The following ONECUT2 variants were observed in gnomAD, a reference collection of about 807,000 sequenced individuals.
The protein encoded by ONECUT2 is one cut homeobox 2.
A neutral mutation model predicts 27.9 loss-of-function variants in ONECUT2; 10 were observed. That is an observed-to-expected ratio of 0.36 (90% CI 0.22 to 0.61). ONECUT2 has a LOEUF of 0.61. Ranked by LOEUF, ONECUT2 falls within the 20% of genes least tolerant of loss-of-function variation. The probability of loss-of-function intolerance (pLI) is 0.73; values close to 1 mark genes in which losing one functional copy is unlikely to be tolerated. For missense variants in ONECUT2, 686 were observed against 721.0 expected (o/e 0.95, Z 0.56); for synonymous variants, 334 against 315.1 (o/e 1.06, Z -0.64).
Position 57,436,183 on chromosome 18 carries a change from C to T in ONECUT2, c.467C>T (p.Pro156Leu). Reference sequence around the variant, plus strand: ...TACACCACGCTGACACCGCTCCAGCCGCTGCCACCCATCTCCACCGTGTCT... The same window carrying T: ...TACACCACGCTGACACCGCTCCAGCTGCTGCCACCCATCTCCACCGTGTCT... ...NTYTTLTPLQ[P>L]LPPISTVSDK... is the part of the protein sequence containing the mutation. Residue 156 changes from proline to leucine, a missense_variant, in exon 1 of 2, where the codon CCG becomes CTG. Pro to Leu is a moderately conservative substitution (Grantham distance 98, BLOSUM62 -3). Transcript: ENST00000491143. The surrounding 1 kb of genome is among the most constrained non-coding windows in gnomAD (Gnocchi z 5.9). 6.2e-7 allele frequency: 1 copy of T among 1,607,734 alleles called. No homozygotes were observed. The highest frequency in any genetic ancestry group is 1.1e-5 in the South Asian group (1 of 90,876).
chr18:57,437,465 A>T (rs1322010655), intron 1 of ONECUT2, among the ~76,000 whole-genome samples: 1 of 151,884 alleles, frequency 6.6e-6, no homozygotes, highest in African/African-American at 2.4e-5. Context: ...AGAGCTCTCT[A>T]CTCTCCCACC....
chr18:57,447,234 A>G (rs2050204775), intron 1 of ONECUT2, among the ~76,000 whole-genome samples: 1 of 152,250 alleles, frequency 6.6e-6, no homozygotes, highest in Admixed American at 6.5e-5. Context: ...CCCTGGTAGC[A>G]GAGCGCCTGT....
rs2050440179 is a variant in ONECUT2, at chr18:57,486,672, G to T, written c.*9949G>T. 1 of 152,498 alleles carries T rather than the reference G, an allele frequency of 6.6e-6. No homozygotes were observed. The highest frequency in any genetic ancestry group is 2.4e-5 in the African/African-American group (1 of 41,392). The allele number at this position is 152,498 out of a possible 1,614,324, so 9.4% of individuals were successfully genotyped here. ...TGTGCTTTTGTAATAGATGAAAAAAGGTGCGCTTAAAAAGAAAATGTATGT... is the reference window on the plus strand; with the variant it reads ...TGTGCTTTTGTAATAGATGAAAAAATGTGCGCTTAAAAAGAAAATGTATGT... On this transcript the variant is annotated 3_prime_UTR_variant, in exon 2 of 2. Transcript: ENST00000491143.
rs1052160448 is a variant in ONECUT2, at chr18:57,478,777, C to G, written c.*2054C>G. The G allele has an allele frequency of 1.3e-5, 2 of 152,636 alleles. No individual in the cohort carries two copies. Among genetic ancestry groups the G allele is most frequent in the Non-Finnish European group, 2.9e-5 (2 of 68,054 alleles). 9.5% of individuals were successfully genotyped at this position (152,636 alleles called of 1,614,324 possible). A position where few individuals can be genotyped will look rare whatever the true frequency, so the allele number is the denominator to read the frequency against. ...CAATACCAAAGATGAGGATTTCTCA[C>G]ACCTTTTGTTTCAGTTCATTATCTC... On this transcript the variant is annotated 3_prime_UTR_variant, in exon 2 of 2. Coordinates refer to ENST00000491143, the MANE Select transcript of ONECUT2 (RefSeq NM_004852.3).
intron 1 of ONECUT2, chr18:57,444,559 C>A: frequency 2.5e-6 from 1 of 406,300 alleles, no homozygotes; most frequent in Admixed American, 2.8e-5. Context: ...GAGTCCCCAC[C>A]CCCCAGGGTG....
At chr18:57,452,133 T>C (rs1479305975) in intron 1 of ONECUT2, among the ~76,000 whole-genome samples, 4 of 152,116 alleles carry the variant, frequency 2.6e-5, no homozygotes, top group African/African-American at 9.7e-5. Context: ...GTATTTCACA[T>C]TCATAAGTAA....
Position 57,485,367 on chromosome 18 carries a change from A to G in ONECUT2, c.*8644A>G, listed in dbSNP as rs898109972. 1 of 152,226 alleles carries G rather than the reference A, an allele frequency of 6.6e-6. No individual in the cohort carries two copies. Among genetic ancestry groups the G allele is most frequent in the Non-Finnish European group, 1.5e-5 (1 of 68,040 alleles). The allele number at this position is 152,226 out of a possible 1,614,324, so 9.4% of individuals were successfully genotyped here. On this transcript the variant is annotated 3_prime_UTR_variant, in exon 2 of 2. Transcript: ENST00000491143. ...GATACTAAAGGGTTATTTGTGGTAA[A>G]TGAAAAATGACCCCAAAATTACAGA... is the stretch of plus-strand genomic sequence containing the variant.
chr18:57,437,654 G>T (rs1367381495), intron 1 of ONECUT2, among the ~76,000 whole-genome samples: 2 of 152,204 alleles, frequency 1.3e-5, no homozygotes, highest in African/African-American at 4.8e-5. Flanking sequence ...TACCTACAGC[G>T]AGGGCAGGGT....
chr18:57,486,913 T>C lies in ONECUT2; in HGVS notation c.*10190T>C, dbSNP rs1051053324. 5 of 152,686 alleles carry C rather than the reference T, an allele frequency of 3.3e-5. No individual in the cohort carries two copies. Among genetic ancestry groups the C allele is most frequent in the Non-Finnish European group, 7.3e-5 (5 of 68,048 alleles). 9.5% of individuals were successfully genotyped at this position (152,686 alleles called of 1,614,324 possible). A position where few individuals can be genotyped will look rare whatever the true frequency, so the allele number is the denominator to read the frequency against. On this transcript the variant is annotated 3_prime_UTR_variant, in exon 2 of 2. Transcript: ENST00000491143. The stretch of plus-strand genomic sequence containing the variant: ...ATGATTAGCAACTGCCAATCAGTGC[T>C]ATAATTTTATGCATGAGGCTAAAAA...
At chr18:57,444,250 C>G (rs1371642228) in intron 1 of ONECUT2, 1 of 419,274 alleles carries the variant, frequency 2.4e-6, no homozygotes, top group Non-Finnish European at 4.8e-6. Context: ...TGCAATCAGC[C>G]TTGGAGATGG....
rs566559407 is a variant in ONECUT2, at chr18:57,437,018, G to A, written c.1228+74G>A. 2.5e-5 allele frequency: 37 copies of A among 1,489,684 alleles called. No homozygotes were observed. In the South Asian group the frequency reaches 4.6e-4, roughly 18 times the overall value. 92.3% of individuals were successfully genotyped at this position (1,489,684 alleles called of 1,614,324 possible). On this transcript the variant is annotated intron_variant, in intron 1 of 1. Transcript: ENST00000491143. ...GGTCCGGTGCTTGTGGCCCAAGTCTGCGCGCCGAGTCACTTCTCTTGATTC... is the reference window on the plus strand; with the variant it reads ...GGTCCGGTGCTTGTGGCCCAAGTCTACGCGCCGAGTCACTTCTCTTGATTC...
In ONECUT2 at chr18:57,482,257, A is replaced by AG. The variant is rs2050419871; in HGVS notation, c.*5537dup. 1 of 150,364 alleles carries AG rather than the reference A, an allele frequency of 6.7e-6. No homozygotes were observed. Among genetic ancestry groups the AG allele is most frequent in the African/African-American group, 2.4e-5 (1 of 40,818 alleles). 9.3% of individuals were successfully genotyped at this position (150,364 alleles called of 1,614,324 possible). On this transcript the variant is annotated 3_prime_UTR_variant, in exon 2 of 2. Coordinates refer to ENST00000491143, the MANE Select transcript of ONECUT2 (RefSeq NM_004852.3). ...CCAAGGTCGGGGAGGGAAAGAGGGG[A>AG]GGGTTTATCTGTTTTAGAAAGTCTC...
rs1349086083 is a variant in ONECUT2, at chr18:57,490,317, G to T, written c.*13594G>T. 6.6e-6 allele frequency: 1 copy of T among 152,110 alleles called. No homozygotes were observed. Among genetic ancestry groups the T allele is most frequent in the Non-Finnish European group, 1.5e-5 (1 of 68,014 alleles). The allele number at this position is 152,110 out of a possible 1,614,324, so 9.4% of individuals were successfully genotyped here. A position where few individuals can be genotyped will look rare whatever the true frequency, so the allele number is the denominator to read the frequency against. ...TTCTCAGAATCCAAGTCAGTCCTGGGTCTTTTCTCACTTTAGACCCTGGCC... is the reference window on the plus strand; with the variant it reads ...TTCTCAGAATCCAAGTCAGTCCTGGTTCTTTTCTCACTTTAGACCCTGGCC... On this transcript the variant is annotated 3_prime_UTR_variant, in exon 2 of 2. Transcript: ENST00000491143.
intron 1 of ONECUT2, among the ~76,000 whole-genome samples, chr18:57,473,505 T>G (rs1271060644): frequency 1.3e-5 from 2 of 152,178 alleles, no homozygotes; most frequent in African/African-American, 4.8e-5. Context: ...CTACGTAATT[T>G]GCAAGGCCCC....
chr18:57,448,547 A>G (rs1213672556), intron 1 of ONECUT2, among the ~76,000 whole-genome samples: 1 of 152,246 alleles, frequency 6.6e-6, no homozygotes, highest in African/African-American at 2.4e-5. Context: ...GTAAGCTTTG[A>G]CTAAAGAAGT....
At chr18:57,471,704 G>A (rs2050354940) in intron 1 of ONECUT2, among the ~76,000 whole-genome samples, 1 of 152,184 alleles carries the variant, frequency 6.6e-6, no homozygotes, top group African/African-American at 2.4e-5. Flanking sequence ...CCAGTACCAG[G>A]TCCTGGGCCA....
At chr18:57,469,513 G>A (rs575117074) in intron 1 of ONECUT2, among the ~76,000 whole-genome samples, 1 of 152,308 alleles carries the variant, frequency 6.6e-6, no homozygotes, top group South Asian at 2.1e-4. Context: ...ACATAAATTA[G>A]TATGTTAGGA....
intron 1 of ONECUT2, among the ~76,000 whole-genome samples, chr18:57,449,622 C>T (rs907768512): frequency 3.9e-5 from 6 of 152,196 alleles, no homozygotes; most frequent in African/African-American, 1.4e-4. Flanking sequence ...ACTAAGGACC[C>T]ATTTTGCCAA....
In ONECUT2 at chr18:57,486,628, A is replaced by G. The variant is rs929605498; in HGVS notation, c.*9905A>G. On this transcript the variant is annotated 3_prime_UTR_variant, in exon 2 of 2. Coordinates refer to ENST00000491143, the MANE Select transcript of ONECUT2 (RefSeq NM_004852.3). ...TTTAAAAAAAGAAAAAAGAAAAAAA[A>G]GCTTTATACGTTTTAGGTTGTGCTT... The G allele has an allele frequency of 2.6e-5, 4 of 152,560 alleles. No homozygotes were observed. Among genetic ancestry groups the G allele is most frequent in the Non-Finnish European group, 5.9e-5 (4 of 68,024 alleles). The allele number at this position is 152,560 out of a possible 1,614,324, so 9.5% of individuals were successfully genotyped here.
Sources: gnomAD v4.1 joint callset for allele counts (sites outside exome capture counted in the v4.1 genomes callset) on GRCh38, gnomAD v4.1.1 for gene constraint, Gnocchi (gnomAD v3.1) non-coding constraint, MANE v1.5 for transcripts, NCBI Gene and HGNC (gene_info 2026-07-23, HGNC 2026-07-21) for gene names.